The following PDZRN4 variants were observed in gnomAD, a reference collection of about 807,000 sequenced individuals.
The protein encoded by PDZRN4 is PDZ domain-containing RING finger protein 4.
Under a neutral mutation model 99.0 loss-of-function variants are expected in PDZRN4, and 70 were observed. That is an observed-to-expected ratio of 0.71 (90% CI 0.58 to 0.86). The LOEUF is 0.86. PDZRN4 is among the 40% of genes least tolerant of loss of function. The pLI is 0.00. For missense variants in PDZRN4, 1,474 were observed against 1,331.2 expected (o/e 1.11, Z -1.67); for synonymous variants, 551 against 501.6 (o/e 1.10, Z -1.32).
chr12:41,317,145 T>C (rs966776233), intron 3 of PDZRN4, among the ~76,000 whole-genome samples: 5 of 148,810 alleles, frequency 3.4e-5, no homozygotes, highest in African/African-American at 1.2e-4. Flanking sequence ...AATTCTCATA[T>C]ATATATTTAG....
At position 41,367,591 on chromosome 12, in the gene PDZRN4, G is replaced by A. The variant is rs577756641; in HGVS notation, c.844-138865G>A. Reference sequence around the variant, plus strand: ...GTGTAGAAGCCTACAGTGTCTCATCGGTGCACATTCTTTCTTTCTATTGGT... The same window carrying A: ...GTGTAGAAGCCTACAGTGTCTCATCAGTGCACATTCTTTCTTTCTATTGGT... On this transcript the variant is annotated intron_variant, in intron 3 of 9. Transcript: ENST00000402685. 3.3e-5 allele frequency among the ~76,000 whole-genome samples: 5 copies of A among 151,964 alleles called. No homozygotes were observed. In the South Asian group the frequency reaches 6.2e-4, roughly 19 times the overall value.
At chr12:41,266,852 C>G (rs1304699949) in intron 3 of PDZRN4, among the ~76,000 whole-genome samples, 1 of 152,128 alleles carries the variant, frequency 6.6e-6, no homozygotes, top group Non-Finnish European at 1.5e-5. Context: ...AATAATACAT[C>G]AGTTAATAGT....
chr12:41,296,941 G>C (rs1035177519), intron 3 of PDZRN4, among the ~76,000 whole-genome samples: 7 of 152,164 alleles, frequency 4.6e-5, no homozygotes, highest in African/African-American at 1.7e-4. Context: ...CTGGGCAAGA[G>C]AGCAAGACCC....
intron 3 of PDZRN4, among the ~76,000 whole-genome samples, chr12:41,230,201 C>A (rs981578700): frequency 6.6e-6 from 1 of 151,860 alleles, no homozygotes; most frequent in Non-Finnish European, 1.5e-5. Flanking sequence ...AGAGTACACA[C>A]GCTCTTTAGG....
intron 3 of PDZRN4, among the ~76,000 whole-genome samples, chr12:41,243,341 A>G (rs1021332264): frequency 1.3e-5 from 2 of 152,214 alleles, no homozygotes; most frequent in African/African-American, 4.8e-5. Flanking sequence ...AGCTTGGTTA[A>G]TTGTTCTGGT....
intron 3 of PDZRN4, among the ~76,000 whole-genome samples, chr12:41,459,101 T>G (rs774860322): frequency 1.3e-5 from 2 of 152,146 alleles, no homozygotes; most frequent in Non-Finnish European, 2.9e-5. Context: ...TTCAGACAAA[T>G]ACCGGCAGCT....
chr12:41,218,893 A>G lies in PDZRN4; in HGVS notation c.843+24705A>G, dbSNP rs1236730823. On this transcript the variant is annotated intron_variant, in intron 3 of 9. Coordinates refer to ENST00000402685, the MANE Select transcript of PDZRN4 (RefSeq NM_001164595.2). ...TATTTATTTTTACACATAAGTCTCTACATTATTATTCCAATAGCTAGGAAT... is the reference window on the plus strand; with the variant it reads ...TATTTATTTTTACACATAAGTCTCTGCATTATTATTCCAATAGCTAGGAAT... Among the ~76,000 whole-genome samples the G allele has an allele frequency of 2.0e-5, 3 of 151,666 alleles. No homozygotes were observed. In the East Asian group the frequency reaches 5.8e-4, roughly 29 times the overall value.
intron 3 of PDZRN4, among the ~76,000 whole-genome samples, chr12:41,425,369 G>T (rs1221930773): frequency 6.6e-6 from 1 of 151,458 alleles, no homozygotes; most frequent in African/African-American, 2.4e-5. Context: ...TAGGAGGAAA[G>T]CTCAGCCCTT....
intron 1 of PDZRN4, among the ~76,000 whole-genome samples, chr12:41,190,627 GA>G (rs1223887667): frequency 6.6e-6 from 1 of 152,192 alleles, no homozygotes; most frequent in Non-Finnish European, 1.5e-5. Flanking sequence ...CATTGCCTGG[GA>G]AAAGCTCCTG....
chr12:41,333,805 G>T (rs1951754849), intron 3 of PDZRN4, among the ~76,000 whole-genome samples: 2 of 152,118 alleles, frequency 1.3e-5, no homozygotes, highest in South Asian at 4.1e-4. Context: ...AACACATCAT[G>T]ATTTGTGGGG....
intron 5 of PDZRN4, among the ~76,000 whole-genome samples, chr12:41,513,823 G>C (rs1938349427): frequency 6.6e-6 from 1 of 152,092 alleles, no homozygotes; most frequent in Non-Finnish European, 1.5e-5. Context: ...GGAAGATGTT[G>C]AATTATCTAC....
At chr12:41,244,488 T>C (rs534481323) in intron 3 of PDZRN4, among the ~76,000 whole-genome samples, 3 of 152,110 alleles carry the variant, frequency 2.0e-5, no homozygotes, top group Admixed American at 1.3e-4. Context: ...TTGTTCTACA[T>C]GATCTGCTCC....
chr12:41,258,966 G>C (rs73120937), intron 3 of PDZRN4, among the ~76,000 whole-genome samples: 15 of 151,898 alleles, frequency 9.9e-5, no homozygotes, highest in Non-Finnish European at 1.6e-4. Context: ...AGTAGTACAT[G>C]GCGGGGGGGC....
chr12:41,208,835 C>CT (rs985341923), intron 3 of PDZRN4, among the ~76,000 whole-genome samples: 2 of 151,490 alleles, frequency 1.3e-5, no homozygotes, highest in African/African-American at 4.8e-5. Context: ...GTTCTTTGTG[C>CT]TTTTTTTCCT....
At chr12:41,555,169 T>G (rs1410870088) in intron 6 of PDZRN4, among the ~76,000 whole-genome samples, 2 of 138,242 alleles carry the variant, frequency 1.4e-5, no homozygotes, top group African/African-American at 5.5e-5. Context: ...AGGCGGAGCT[T>G]GCAGTGAGCG....
At chr12:41,258,973 G>C (rs1031609441) in intron 3 of PDZRN4, among the ~76,000 whole-genome samples, 1 of 151,968 alleles carries the variant, frequency 6.6e-6, no homozygotes, top group East Asian at 1.9e-4. Flanking sequence ...CATGGCGGGG[G>C]GGCACTACAA....
At chr12:41,566,418 G>A (rs2120844178) in intron 8 of PDZRN4, among the ~76,000 whole-genome samples, 1 of 152,176 alleles carries the variant, frequency 6.6e-6, no homozygotes, top group East Asian at 1.9e-4. Flanking sequence ...TGTAAAATTT[G>A]AACAATTATA....
In PDZRN4 at chr12:41,414,850, A is replaced by G. The variant is rs1031014971; in HGVS notation, c.844-91606A>G. 7.2e-5 allele frequency among the ~76,000 whole-genome samples: 11 copies of G among 152,298 alleles called. No individual in the cohort carries two copies. The South Asian group carries it at 1.5e-3, about 20-fold the overall frequency. On this transcript the variant is annotated intron_variant, in intron 3 of 9. Coordinates refer to ENST00000402685, the MANE Select transcript of PDZRN4 (RefSeq NM_001164595.2). Reference sequence around the variant, plus strand: ...AAGTGTCATAGTAAAATGAGTAGGCATTTACAAGACAAAGAGAAGCGTTCT... The same window carrying G: ...AAGTGTCATAGTAAAATGAGTAGGCGTTTACAAGACAAAGAGAAGCGTTCT...
chr12:41,293,680 A>G (rs1222506113), intron 3 of PDZRN4, among the ~76,000 whole-genome samples: 1 of 152,168 alleles, frequency 6.6e-6, no homozygotes. Context: ...CCTGGAAATT[A>G]CCAGAGGATG....
Sources: gnomAD v4.1 joint callset for allele counts (sites outside exome capture counted in the v4.1 genomes callset) on GRCh38, gnomAD v4.1.1 for gene constraint, MANE v1.5 for transcripts, NCBI Gene and HGNC (gene_info 2026-07-23, HGNC 2026-07-21) for gene names.